The following PTPRD variants were observed in gnomAD, a reference collection of about 807,000 sequenced individuals.
PTPRD encodes protein tyrosine phosphatase receptor type D.
In PTPRD, 34 loss-of-function variants were observed where a neutral mutation model predicts 214.5. The ratio of observed to expected loss-of-function variants is 0.16; its 90% CI spans 0.12 to 0.21. The LOEUF (loss-of-function observed/expected upper bound fraction) is 0.21, where lower values mean the gene tolerates loss of function less well. PTPRD is among the 10% of genes least tolerant of loss of function. The pLI is 1.00. For synonymous variants in PTPRD, 1,128 were observed against 845.7 expected (o/e 1.33, Z -5.79); for missense variants, 2,545 against 2,398.7 (o/e 1.06, Z -1.27).
At chr9:9,518,357 C>T (rs2096885634) in intron 8 of PTPRD, among the ~76,000 whole-genome samples, 2 of 151,986 alleles carry the variant, frequency 1.3e-5, no homozygotes, top group Admixed American at 6.6e-5. Flanking sequence ...TCTACTCACA[C>T]TAGTGAAAAT....
chr9:9,940,316 G>T (rs909080450), intron 4 of PTPRD, among the ~76,000 whole-genome samples: 1 of 152,084 alleles, frequency 6.6e-6, no homozygotes, highest in Non-Finnish European at 1.5e-5. Context: ...CTGGTTTCTT[G>T]ACTAGACTAC....
At chr9:8,440,024 A>G (rs1320890731) in intron 34 of PTPRD, among the ~76,000 whole-genome samples, 2 of 129,722 alleles carry the variant, frequency 1.5e-5, no homozygotes, top group South Asian at 2.5e-4. Flanking sequence ...CTATATATTG[A>G]TATTTTTAAA....
chr9:9,410,870 G>C (rs904628908), intron 8 of PTPRD, among the ~76,000 whole-genome samples: 1 of 152,124 alleles, frequency 6.6e-6, no homozygotes, highest in Non-Finnish European at 1.5e-5. Context: ...AGAACTCTGC[G>C]ACCACGGTTG....
At chr9:10,142,322 T>C (rs1210635278) in intron 3 of PTPRD, among the ~76,000 whole-genome samples, 1 of 150,818 alleles carries the variant, frequency 6.6e-6, no homozygotes, top group Admixed American at 6.6e-5. Flanking sequence ...GAAACTACCA[T>C]CAGAGTGAAC....
intron 9 of PTPRD, among the ~76,000 whole-genome samples, chr9:9,302,402 C>G (rs2134870258): frequency 6.6e-6 from 1 of 151,764 alleles, no homozygotes; most frequent in Admixed American, 6.6e-5. Flanking sequence ...TATTTTTACC[C>G]TTCTCCAGCT....
chr9:8,925,032 C>CAGGCAATAAAACT (rs1349363426), intron 11 of PTPRD, among the ~76,000 whole-genome samples: 1 of 152,142 alleles, frequency 6.6e-6, no homozygotes, highest in Non-Finnish European at 1.5e-5. Context: ...CCTGAGAGCT[C>CAGGCAATAAAACT]AGGCAATAAA....
intron 14 of PTPRD, among the ~76,000 whole-genome samples, chr9:8,600,610 G>T (rs2094797779): frequency 6.6e-6 from 1 of 151,920 alleles, no homozygotes; most frequent in African/African-American, 2.4e-5. Flanking sequence ...AGGTCATGAG[G>T]TCCCCATTAT....
intron 11 of PTPRD, among the ~76,000 whole-genome samples, chr9:8,825,856 G>T (rs929170815): frequency 2.6e-5 from 4 of 152,196 alleles, no homozygotes; most frequent in African/African-American, 9.6e-5. Flanking sequence ...GCCAGTGAGA[G>T]TGTAGCAGCA....
chr9:10,571,062 T>C (rs903757425), intron 2 of PTPRD, among the ~76,000 whole-genome samples: 19 of 152,148 alleles, frequency 1.2e-4, no homozygotes, highest in Non-Finnish European at 4.4e-5. Context: ...TTTATGCATA[T>C]TTGCATTATA....
chr9:10,317,437 G>C lies in PTPRD; in HGVS notation c.-545+23526C>G, dbSNP rs889249558. 2.0e-5 allele frequency among the ~76,000 whole-genome samples: 3 copies of C among 151,876 alleles called. No homozygotes were observed. In the South Asian group the frequency reaches 6.2e-4, roughly 31 times the overall value. Reference sequence around the variant, plus strand: ...TTTCTTTTGTCAAACAAATTTGGCAGTTTTGAATACTTATATGGAGCAAAA... The same window carrying C: ...TTTCTTTTGTCAAACAAATTTGGCACTTTTGAATACTTATATGGAGCAAAA... On this transcript the variant is annotated intron_variant, in intron 3 of 45. Transcript: ENST00000381196.
intron 3 of PTPRD, among the ~76,000 whole-genome samples, chr9:10,293,363 A>G (rs1270427563): frequency 2.6e-5 from 4 of 151,996 alleles, no homozygotes; most frequent in Admixed American, 2.0e-4. Flanking sequence ...AAACAGACAC[A>G]CACATTAGAA....
In PTPRD at chr9:9,937,231, AAAAAAAT is replaced by A. The variant is rs1228267409; in HGVS notation, c.-368+1269_-368+1275del. 4.8e-3 allele frequency among the ~76,000 whole-genome samples: 727 copies of A among 151,762 alleles called. 2 individuals are homozygous for A. Among genetic ancestry groups the A allele is most frequent in the African/African-American group, 0.014 (579 of 41,496 alleles). Reference sequence around the variant, plus strand: ...CCTAAAACTTAAAGTAAAATAATAAAAAAAAATAAAAAATAAAAAATAAAAAATAAAT... The same window carrying A: ...CCTAAAACTTAAAGTAAAATAATAAAAAAAAATAAAAAATAAAAAATAAAT... On this transcript the variant is annotated intron_variant, in intron 5 of 45. Coordinates refer to ENST00000381196, the MANE Select transcript of PTPRD (RefSeq NM_002839.4).
At chr9:9,177,239 G>A (rs2099925456) in intron 10 of PTPRD, among the ~76,000 whole-genome samples, 1 of 151,916 alleles carries the variant, frequency 6.6e-6, no homozygotes, top group Non-Finnish European at 1.5e-5. Context: ...CAGATCTCAT[G>A]AGAACTCACT....
At chr9:9,558,627 A>G (rs934050552) in intron 8 of PTPRD, among the ~76,000 whole-genome samples, 1 of 152,294 alleles carries the variant, frequency 6.6e-6, no homozygotes, top group Middle Eastern at 3.4e-3. Context: ...TAAACTGCCC[A>G]TCTATTGGCA....
At chr9:8,665,091 T>C (rs1157484788) in intron 12 of PTPRD, among the ~76,000 whole-genome samples, 1 of 152,224 alleles carries the variant, frequency 6.6e-6, no homozygotes, top group Admixed American at 6.5e-5. Context: ...AAAAATATGT[T>C]CGCTCATTCT....
intron 8 of PTPRD, among the ~76,000 whole-genome samples, chr9:9,518,900 G>A (rs1489549080): frequency 6.6e-6 from 1 of 151,800 alleles, no homozygotes; most frequent in African/African-American, 2.4e-5. Flanking sequence ...TGATTAATTT[G>A]CTCTCTCTTC....
chr9:9,610,897 T>G (rs868054519), intron 7 of PTPRD, among the ~76,000 whole-genome samples: 1 of 152,172 alleles, frequency 6.6e-6, no homozygotes, highest in Non-Finnish European at 1.5e-5. Context: ...ACAACCCACA[T>G]GAAGACCAGG....
At chr9:9,496,518 GA>G (rs1569568814) in intron 8 of PTPRD, among the ~76,000 whole-genome samples, 2 of 152,074 alleles carry the variant, frequency 1.3e-5, no homozygotes, top group African/African-American at 4.8e-5. Context: ...AAACTACAAT[GA>G]GATATGGTAA....
Position 8,314,514 on chromosome 9 carries a change from G to A in PTPRD, c.*3360C>T, listed in dbSNP as rs1820873819. The stretch of plus-strand genomic sequence containing the variant: ...AAAGAACACAACTGTTATTATCTTT[G>A]TAAAGACACTCCAAGCTGGGATGGC... On this transcript the variant is annotated 3_prime_UTR_variant, in exon 46 of 46. Transcript: ENST00000381196. The A allele has an allele frequency of 4.3e-6, 1 of 231,816 alleles. No homozygotes were observed. The highest frequency in any genetic ancestry group is 2.2e-5 in the African/African-American group (1 of 45,180). 14.4% of individuals were successfully genotyped at this position (231,816 alleles called of 1,614,324 possible). A position where few individuals can be genotyped will look rare whatever the true frequency, so the allele number is the denominator to read the frequency against.
Sources: allele counts gnomAD v4.1 joint callset (sites outside exome capture counted in the v4.1 genomes callset), GRCh38; gene constraint gnomAD v4.1.1; transcripts MANE v1.5; gene names NCBI Gene and HGNC (gene_info 2026-07-23, HGNC 2026-07-21).